NPSR1: variants seen among roughly 807,000 people sequenced by gnomAD.
NPSR1 encodes neuropeptide S receptor 1, also known as neuropeptide S receptor.
NPSR1 carries 48 observed loss-of-function variants against 46.9 expected under a neutral mutation model. The observed-to-expected ratio is 1.02, with a 90% CI of 0.81 to 1.30. The LOEUF is 1.30. Among genes scored for constraint, NPSR1 ranks in the 50% most tolerant of loss-of-function variants. NPSR1 has a pLI of 0.00. For missense variants in NPSR1, 450 were observed against 449.5 expected (o/e 1.00, Z -0.01); for synonymous variants, 176 against 168.1 (o/e 1.05, Z -0.36).
intron 2 of NPSR1, among the ~76,000 whole-genome samples, chr7:34,732,854 G>A (rs965969570): frequency 3.3e-5 from 5 of 152,164 alleles, no homozygotes; most frequent in Non-Finnish European, 7.3e-5. Context: ...CCACAAAGGG[G>A]TGCTAATTCC....
At chr7:34,878,321 A>G in exon 9 of NPSR1, 1 of 510,580 alleles carries the variant, frequency 2.0e-6, no homozygotes, top group Non-Finnish European at 3.6e-6. Context: ...GGAGGGCTAT[A>G]AGAAGGCAGA....
downstream of NPSR1, among the ~76,000 whole-genome samples, chr7:34,850,296 G>A (rs1241211158): frequency 6.6e-6 from 1 of 152,136 alleles, no homozygotes; most frequent in Non-Finnish European, 1.5e-5. Context: ...GTGAAATGAA[G>A]GGATACTGGT....
At chr7:34,741,786 C>A (rs956391132) in intron 2 of NPSR1, among the ~76,000 whole-genome samples, 1 of 152,232 alleles carries the variant, frequency 6.6e-6, no homozygotes, top group African/African-American at 2.4e-5. Flanking sequence ...TCATGGCCAC[C>A]ATTACTCTGG....
In NPSR1 at chr7:34,658,329, T is replaced by C. The variant is rs1791279471; in HGVS notation, c.-84T>C. The C allele has an allele frequency of 6.7e-7, 1 of 1,490,288 alleles. No homozygotes were observed. Among genetic ancestry groups the C allele is most frequent in the Admixed American group, 1.8e-5 (1 of 56,956 alleles). 92.3% of individuals were successfully genotyped at this position (1,490,288 alleles called of 1,614,324 possible). On this transcript the variant is annotated 5_prime_UTR_variant, in exon 1 of 9. Coordinates refer to ENST00000360581, the MANE Select transcript of NPSR1 (RefSeq NM_207172.2). Reference sequence around the variant, plus strand: ...TGCCTCCGTTCAGCAGAGCTGCAGCTGCTGCCCAGCTCTCAGGAGGCAAGC... The same window carrying C: ...TGCCTCCGTTCAGCAGAGCTGCAGCCGCTGCCCAGCTCTCAGGAGGCAAGC...
intron 3 of NPSR1, among the ~76,000 whole-genome samples, chr7:34,804,219 ACAGAACAATATCCCT>A (rs1788575965): frequency 6.6e-6 from 1 of 152,146 alleles, no homozygotes; most frequent in Admixed American, 6.6e-5. Flanking sequence ...AAGGAAAACT[ACAGAACAATATCCCT>A]CATGAACATA....
intron 3 of NPSR1, among the ~76,000 whole-genome samples, chr7:34,787,255 A>C (rs1248376878): frequency 6.6e-6 from 1 of 152,096 alleles, no homozygotes; most frequent in Non-Finnish European, 1.5e-5. Flanking sequence ...TTCCATCCTT[A>C]AACCTCATGA....
At chr7:34,808,575 T>C (rs1398671052) in intron 3 of NPSR1, among the ~76,000 whole-genome samples, 1 of 152,218 alleles carries the variant, frequency 6.6e-6, no homozygotes, top group African/African-American at 2.4e-5. Context: ...TCTAACTTCA[T>C]TGCTTACCAT....
exon 9 of NPSR1, chr7:34,878,112 A>C (rs142187314): frequency 6.8e-6 from 11 of 1,610,926 alleles, no homozygotes; most frequent in Non-Finnish European, 9.3e-6. Context: ...AGGCTGCGCT[A>C]ATGCTCTGCC....
At chr7:34,799,681 A>G (rs1788378694) in intron 3 of NPSR1, among the ~76,000 whole-genome samples, 1 of 145,462 alleles carries the variant, frequency 6.9e-6, no homozygotes, top group African/African-American at 2.6e-5. Context: ...TAACCAGCTA[A>G]CATCATAATG....
At chr7:34,810,183 C>T (rs964074156) in intron 3 of NPSR1, among the ~76,000 whole-genome samples, 1 of 152,212 alleles carries the variant, frequency 6.6e-6, no homozygotes, top group Non-Finnish European at 1.5e-5. Flanking sequence ...AGTAAATGCT[C>T]TCCATTAGAC....
intron 2 of NPSR1, among the ~76,000 whole-genome samples, chr7:34,715,854 G>T (rs923437311): frequency 1.3e-5 from 2 of 152,232 alleles, no homozygotes; most frequent in African/African-American, 2.4e-5. Flanking sequence ...CAGCACCTGG[G>T]TGGTGAATAG....
intron 6 of NPSR1, among the ~76,000 whole-genome samples, chr7:34,837,657 C>A (rs1335853755): frequency 6.6e-6 from 1 of 152,218 alleles, no homozygotes; most frequent in East Asian, 1.9e-4. Flanking sequence ...AGAAGACAGG[C>A]TCTAAGGTTA....
At chr7:34,842,552 C>T (rs1440886818) in intron 6 of NPSR1, among the ~76,000 whole-genome samples, 1 of 152,248 alleles carries the variant, frequency 6.6e-6, no homozygotes, top group African/African-American at 2.4e-5. Flanking sequence ...TGGAGAATCA[C>T]TGCTCTAAAT....
intron 7 of NPSR1, among the ~76,000 whole-genome samples, chr7:34,847,989 G>C (rs1366385953): frequency 6.6e-6 from 1 of 152,200 alleles, no homozygotes; most frequent in African/African-American, 2.4e-5. Context: ...GGGTGAAAGA[G>C]AACACTGTCA....
intron 5 of NPSR1, among the ~76,000 whole-genome samples, chr7:34,833,624 A>C (rs1338060975): frequency 6.6e-6 from 1 of 152,236 alleles, no homozygotes; most frequent in Non-Finnish European, 1.5e-5. Flanking sequence ...CTAGTGACTT[A>C]AATCAAGATA....
intron 2 of NPSR1, among the ~76,000 whole-genome samples, chr7:34,770,764 T>C (rs1786643072): frequency 6.6e-6 from 1 of 152,188 alleles, no homozygotes; most frequent in Non-Finnish European, 1.5e-5. Flanking sequence ...TGCCACAGAC[T>C]GTATAATTTA....
At chr7:34,788,396 T>C (rs1054018328) in intron 3 of NPSR1, among the ~76,000 whole-genome samples, 1 of 150,944 alleles carries the variant, frequency 6.6e-6, no homozygotes, top group Non-Finnish European at 1.5e-5. Context: ...AGAAAAAAAA[T>C]ATATGATAGC....
chr7:34,743,446 T>G (rs1785049948), intron 2 of NPSR1, among the ~76,000 whole-genome samples: 1 of 107,154 alleles, frequency 9.3e-6, no homozygotes, highest in Admixed American at 9.5e-5. Context: ...CTCTGTCTTC[T>G]TTTTTTTTTT....
intron 2 of NPSR1, among the ~76,000 whole-genome samples, chr7:34,739,328 A>T (rs1167195272): frequency 1.3e-5 from 2 of 152,250 alleles, no homozygotes; most frequent in African/African-American, 4.8e-5. Context: ...TGTTTTCTAC[A>T]ATGACTGCAT....
Sources: allele counts gnomAD v4.1 joint callset (sites outside exome capture counted in the v4.1 genomes callset), GRCh38; gene constraint gnomAD v4.1.1; transcripts MANE v1.5; gene names NCBI Gene and HGNC (gene_info 2026-07-23, HGNC 2026-07-21).